The following CAB39 variants were observed in gnomAD, a reference collection of about 807,000 sequenced individuals.
CAB39 encodes calcium binding protein 39.
CAB39 carries 8 observed loss-of-function variants against 40.0 expected under a neutral mutation model. The observed-to-expected ratio is 0.20, with a 90% CI of 0.12 to 0.36. The LOEUF is 0.36. Among genes scored for constraint, CAB39 ranks in the 10% least tolerant of loss-of-function variants. The pLI is 1.00. For synonymous variants in CAB39, 156 were observed against 141.6 expected (o/e 1.10, Z -0.72); for missense variants, 270 against 401.1 (o/e 0.67, Z 2.79).
chr2:230,722,733 A>G (rs1310510702), intron 1 of CAB39, among the ~76,000 whole-genome samples: 2 of 152,214 alleles, frequency 1.3e-5, no homozygotes, highest in African/African-American at 4.8e-5. Context: ...TGAAGTCTCA[A>G]ATTCTTTCTG....
chr2:230,767,805 T>C (rs1008777488), intron 2 of CAB39, among the ~76,000 whole-genome samples: 1 of 152,212 alleles, frequency 6.6e-6, no homozygotes, highest in Non-Finnish European at 1.5e-5. Flanking sequence ...ACTCCAGTCA[T>C]ACTCCTGCCT....
intron 2 of CAB39, among the ~76,000 whole-genome samples, chr2:230,766,722 T>C (rs944914152): frequency 6.6e-5 from 10 of 152,148 alleles, no homozygotes; most frequent in African/African-American, 2.4e-4. Context: ...AGAGACCGAG[T>C]CTCACAATGT....
At position 230,817,870 on chromosome 2, in the gene CAB39, C is replaced by A; in HGVS notation, c.810C>A (p.Ile270=). Residue 270 remains isoleucine (I), a synonymous_variant, in exon 8 of 9, where the codon ATC becomes ATA. Transcript: ENST00000258418. ...TGCTGCGAGACAAAAGTCGCAACATCCAGTTTGAGGCCTTTCACGTTTTTA... is the reference window on the plus strand; with the variant it reads ...TGCTGCGAGACAAAAGTCGCAACATACAGTTTGAGGCCTTTCACGTTTTTA... The part of the protein sequence containing the change: ...MNLLRDKSRN[I]QFEAFHVFKV... 1.2e-6 allele frequency: 2 copies of A among 1,612,684 alleles called. No individual in the cohort carries two copies. Among genetic ancestry groups the A allele is most frequent in the Admixed American group, 1.7e-5 (1 of 59,632 alleles).
At chr2:230,740,819 T>C (rs1694863912) in intron 1 of CAB39, among the ~76,000 whole-genome samples, 1 of 152,210 alleles carries the variant, frequency 6.6e-6, no homozygotes, top group Non-Finnish European at 1.5e-5. Flanking sequence ...GCCCGGGGGC[T>C]GGGGACCCCT....
chr2:230,749,460 T>TA (rs1695047163), intron 1 of CAB39, among the ~76,000 whole-genome samples: 1 of 152,234 alleles, frequency 6.6e-6, no homozygotes, highest in South Asian at 2.1e-4. Context: ...TATATGGACT[T>TA]TGTAAATACT....
rs561341074 is a variant in CAB39 at position 230,758,376 on chromosome 2, T to A, written c.-43-1583T>A. 3.3e-5 allele frequency among the ~76,000 whole-genome samples: 5 copies of A among 152,164 alleles called. No individual in the cohort carries two copies. In the South Asian group the frequency reaches 1.0e-3, roughly 32 times the overall value. On this transcript the variant is annotated intron_variant, in intron 1 of 8. Coordinates refer to ENST00000258418, the MANE Select transcript of CAB39 (RefSeq NM_016289.4). ...ATGCATTAAACTATTTCTCTTTGGTTAATTTTGTCAAAAAAGGATTTACAA... is the reference window on the plus strand; with the variant it reads ...ATGCATTAAACTATTTCTCTTTGGTAAATTTTGTCAAAAAAGGATTTACAA...
intron 4 of CAB39, among the ~76,000 whole-genome samples, chr2:230,795,888 G>T (rs114057704): frequency 7.6e-4 from 115 of 152,076 alleles, no homozygotes; most frequent in African/African-American, 2.6e-3. Context: ...CACTTCCTTA[G>T]ATAAGTATTG....
chr2:230,730,123 A>G (rs1380755468), intron 1 of CAB39, among the ~76,000 whole-genome samples: 1 of 152,288 alleles, frequency 6.6e-6, no homozygotes, highest in East Asian at 1.9e-4. Flanking sequence ...TTTTTCTTAT[A>G]ATTTTAGACA....
intron 1 of CAB39, among the ~76,000 whole-genome samples, chr2:230,742,238 G>C (rs188431178): frequency 6.6e-6 from 1 of 151,954 alleles, no homozygotes; most frequent in South Asian, 2.1e-4. Flanking sequence ...GCAGTGGTGC[G>C]ATCTTGGCTC....
chr2:230,731,890 ATAGT>A (rs1440379332), intron 1 of CAB39, among the ~76,000 whole-genome samples: 2 of 152,182 alleles, frequency 1.3e-5, no homozygotes, highest in Non-Finnish European at 2.9e-5. Flanking sequence ...GGAGAAGAAA[ATAGT>A]TAGCTTTTTC....
At chr2:230,781,098 C>A in intron 2 of CAB39, among the ~76,000 whole-genome samples, 1 of 151,784 alleles carries the variant, frequency 6.6e-6, no homozygotes, top group South Asian at 2.1e-4. Context: ...AAAAAATTAT[C>A]TCGGGGGAAC....
chr2:230,773,314 ATGTGTGTGTG>A (rs71052549), intron 2 of CAB39, among the ~76,000 whole-genome samples: 52 of 132,680 alleles, frequency 3.9e-4, no homozygotes, highest in Non-Finnish European at 5.6e-4. Context: ...ATATATATAT[ATGTGTGTGTG>A]TGTGTGTGTG....
chr2:230,753,494 C>G (rs1695125473), intron 1 of CAB39, among the ~76,000 whole-genome samples: 1 of 152,118 alleles, frequency 6.6e-6, no homozygotes, highest in East Asian at 1.9e-4. Context: ...GTGGCTCACA[C>G]CTGTAATCCC....
intron 2 of CAB39, among the ~76,000 whole-genome samples, chr2:230,790,322 C>G (rs898816543): frequency 6.6e-6 from 1 of 152,172 alleles, no homozygotes; most frequent in African/African-American, 2.4e-5. Context: ...TGGCCCTTCT[C>G]TATCTTGAGC....
At chr2:230,717,332 T>C (rs527988842) in intron 1 of CAB39, among the ~76,000 whole-genome samples, 155 of 152,344 alleles carry the variant, frequency 1.0e-3, no homozygotes, top group Non-Finnish European at 1.9e-3. Context: ...TTTTGGCCAT[T>C]GTAAGAAGAC....
In CAB39 at chr2:230,721,491, T is replaced by G. The variant is rs542725777; in HGVS notation, c.-44+8261T>G. 3.9e-5 allele frequency among the ~76,000 whole-genome samples: 6 copies of G among 152,280 alleles called. No homozygotes were observed. In the East Asian group the frequency reaches 5.8e-4, roughly 15 times the overall value. The stretch of plus-strand genomic sequence containing the variant: ...GATGAAATACTTAACCAAAATACAA[T>G]TTTTTCTGTTTATCTTTTTATCTCA... On this transcript the variant is annotated intron_variant, in intron 1 of 8. Coordinates refer to ENST00000258418, the MANE Select transcript of CAB39 (RefSeq NM_016289.4).
intron 1 of CAB39, among the ~76,000 whole-genome samples, chr2:230,730,523 C>T (rs1319466355): frequency 6.6e-6 from 1 of 151,072 alleles, no homozygotes; most frequent in Non-Finnish European, 1.5e-5. Context: ...CGGCTCACTG[C>T]AACCTCCGCC....
At chr2:230,722,770 T>C (rs918996784) in intron 1 of CAB39, among the ~76,000 whole-genome samples, 3 of 152,220 alleles carry the variant, frequency 2.0e-5, no homozygotes, top group African/African-American at 7.2e-5. Flanking sequence ...TTGAAAAATA[T>C]TTTAAGACTT....
At chr2:230,785,381 A>AG (rs1261874719) in intron 2 of CAB39, among the ~76,000 whole-genome samples, 1 of 10,112 alleles carries the variant, frequency 9.9e-5, no homozygotes, top group Non-Finnish European at 1.9e-4. Flanking sequence ...GCGCGTGGGC[A>AG]GGGGGGCAGG....
Sources: allele counts gnomAD v4.1 joint callset (sites outside exome capture counted in the v4.1 genomes callset), GRCh38; gene constraint gnomAD v4.1.1; transcripts MANE v1.5; gene names NCBI Gene and HGNC (gene_info 2026-07-23, HGNC 2026-07-21).